Variants in PATJ observed in about 807,000 individuals in gnomAD.
PATJ encodes the protein PATJ crumbs cell polarity complex component, also known as inaD-like protein.
PATJ carries 190 observed loss-of-function variants against 224.9 expected under a neutral mutation model. The ratio of observed to expected loss-of-function variants is 0.84; its 90% CI spans 0.75 to 0.95. The LOEUF (loss-of-function observed/expected upper bound fraction) is 0.95. Ranked by LOEUF, PATJ falls within the 40% of genes least tolerant of loss-of-function variation. The pLI is 0.00. For synonymous variants in PATJ, 769 were observed against 820.3 expected (o/e 0.94, Z 1.07); for missense variants, 2,121 against 2,270.3 (o/e 0.93, Z 1.34).
chr1:61,749,890 G>C (rs985827326), intron 1 of PATJ, among the ~76,000 whole-genome samples: 2 of 152,106 alleles, frequency 1.3e-5, no homozygotes, highest in African/African-American at 4.8e-5. Flanking sequence ...ATGTTGCCCA[G>C]GCTGGTCTCA....
chr1:61,918,917 C>A (rs1673861972), intron 26 of PATJ, among the ~76,000 whole-genome samples: 1 of 151,778 alleles, frequency 6.6e-6, no homozygotes, highest in African/African-American at 2.4e-5. Context: ...ATGGTCACAC[C>A]ACTGCACTCC....
chr1:62,036,904 AGGG>A (rs1650523991), intron 29 of PATJ, among the ~76,000 whole-genome samples: 1 of 143,026 alleles, frequency 7.0e-6, no homozygotes, highest in Non-Finnish European at 1.5e-5. Flanking sequence ...GAAGGAAGGG[AGGG>A]AGGGAGGAAG....
chr1:61,791,287 G>C (rs1649803472), intron 8 of PATJ, 61 bp from the exon 9 acceptor site: 2 of 955,760 alleles, frequency 2.1e-6, no homozygotes, highest in South Asian at 2.8e-5. Flanking sequence ...TGCACAGATT[G>C]ACTATGTACA....
chr1:62,134,456 C>T (rs1392758258), intron 41 of PATJ, among the ~76,000 whole-genome samples: 2 of 151,568 alleles, frequency 1.3e-5, no homozygotes, highest in Admixed American at 6.6e-5. Flanking sequence ...AGCGATTCTC[C>T]TGCCTCAGCC....
rs1181720856 is a variant in PATJ, at chr1:61,967,008, G to A, written c.3671-23160G>A. Among the ~76,000 whole-genome samples the A allele has an allele frequency of 4.6e-5, 7 of 152,232 alleles. No homozygotes were observed. In the East Asian group the frequency reaches 1.2e-3, roughly 25 times the overall value. On this transcript the variant is annotated intron_variant, in intron 27 of 43. Transcript: ENST00000642238. ...AAGATCTTTATGACCTGTATCTTGT[G>A]CTGACCTGTCTCATCCTGTGACTTA...
chr1:61,988,929 A>T (rs1307055501), intron 27 of PATJ, among the ~76,000 whole-genome samples: 1 of 152,256 alleles, frequency 6.6e-6, no homozygotes, highest in Non-Finnish European at 1.5e-5. Flanking sequence ...ATGAGCATTT[A>T]GGGTTCCAAG....
intron 13 of PATJ, among the ~76,000 whole-genome samples, chr1:61,807,149 CAAAAA>C (rs1450116461): frequency 6.6e-6 from 1 of 151,998 alleles, no homozygotes; most frequent in Non-Finnish European, 1.5e-5. Context: ...GACTCCACCT[CAAAAA>C]CAAAACAAAA....
At chr1:61,999,114 G>A (rs944704) in intron 28 of PATJ, among the ~76,000 whole-genome samples, 46,251 of 151,902 alleles carry the variant, frequency 0.3, 7,626 homozygotes, top group East Asian at 0.47. Flanking sequence ...AATAGCGACA[G>A]GAATGTATGC....
intron 15 of PATJ, among the ~76,000 whole-genome samples, chr1:61,823,502 C>T (rs1483867761): frequency 6.6e-6 from 1 of 152,232 alleles, no homozygotes; most frequent in South Asian, 2.1e-4. Context: ...ATGGCAGCCT[C>T]TATTGGGCTT....
chr1:61,859,196 T>TAACAA (rs912171802), intron 18 of PATJ, among the ~76,000 whole-genome samples: 6 of 152,310 alleles, frequency 3.9e-5, no homozygotes, highest in Non-Finnish European at 8.8e-5. Context: ...TCGGGCCATT[T>TAACAA]AACAAAACAA....
chr1:61,853,797 T>C (rs761783452), intron 17 of PATJ, among the ~76,000 whole-genome samples: 2 of 152,218 alleles, frequency 1.3e-5, no homozygotes, highest in Non-Finnish European at 2.9e-5. Flanking sequence ...TTGAAAATAC[T>C]GGTGTAATTA....
At chr1:61,767,867 G>A (rs1192283348) in intron 4 of PATJ, among the ~76,000 whole-genome samples, 1 of 151,532 alleles carries the variant, frequency 6.6e-6, no homozygotes, top group Non-Finnish European at 1.5e-5. Flanking sequence ...AGTAGAGACA[G>A]GGTTTCACCA....
At chr1:61,790,169 A>C (rs1315342054) in intron 8 of PATJ, among the ~76,000 whole-genome samples, 1 of 145,042 alleles carries the variant, frequency 6.9e-6, no homozygotes, top group Non-Finnish European at 1.5e-5. Context: ...GCTCCATTGC[A>C]CTCCTACCTG....
Position 61,801,691 on chromosome 1 carries a change from G to C in PATJ, c.1471G>C (p.Val491Leu), listed in dbSNP as rs777885910. Reference protein sequence around the residue: ...LTGAVETETNVDGEDEEIKER... With the variant: ...LTGAVETETNLDGEDEEIKER... ...TGGAGCAGTGGAAACTGAAACTAAT[G>C]TGGATGGTGAAGATGAGGAAATTAA... The change falls in exon 12 of 44, where the codon GTG becomes CTG. Residue 491 changes from valine (V) to leucine (L), a missense_variant. Physicochemically the swap from Val to Leu is conservative, Grantham distance 32. Coordinates refer to ENST00000642238, the MANE Select transcript of PATJ (RefSeq NM_001350145.3). The C allele has an allele frequency of 6.2e-7, 1 of 1,601,454 alleles. No homozygotes were observed. The highest frequency in any genetic ancestry group is 1.1e-5 in the South Asian group (1 of 89,576).
chr1:61,957,611 A>G (rs1233259750), intron 27 of PATJ, among the ~76,000 whole-genome samples: 1 of 152,222 alleles, frequency 6.6e-6, no homozygotes, highest in African/African-American at 2.4e-5. Flanking sequence ...AGGAAAGAGT[A>G]GAAGTTTTCC....
chr1:61,850,036 C>G (rs1001053988), intron 17 of PATJ, among the ~76,000 whole-genome samples: 1 of 152,136 alleles, frequency 6.6e-6, no homozygotes, highest in Non-Finnish European at 1.5e-5. Context: ...CTTCTGTCTC[C>G]TCTTTATGTC....
chr1:61,864,945 A>T lies in PATJ; in HGVS notation c.2835+312A>T, dbSNP rs562104884. On this transcript the variant is annotated intron_variant, in intron 20 of 43. Transcript: ENST00000642238. ...AGAGTTCTTTTAACATTTGTGATTTAAAAAAAAAAATTCCCTGGGGAAACA... is the reference window on the plus strand; with the variant it reads ...AGAGTTCTTTTAACATTTGTGATTTTAAAAAAAAAATTCCCTGGGGAAACA... 2.7e-4 allele frequency among the ~76,000 whole-genome samples: 40 copies of T among 148,610 alleles called. No individual in the cohort carries two copies. In the South Asian group the frequency reaches 7.4e-3, roughly 28 times the overall value.
At chr1:61,813,736 T>C (rs2148666979) in intron 14 of PATJ, among the ~76,000 whole-genome samples, 1 of 152,192 alleles carries the variant, frequency 6.6e-6, no homozygotes, top group East Asian at 1.9e-4. Context: ...GGGGGTTTAT[T>C]TGCAAGTTTA....
Position 61,861,628 on chromosome 1 carries a change from T to C in PATJ, c.2400T>C (p.Ile800=). ...ACAAGACTGAATTTTCAGGAACAAT[T>C]CATGATATAAATTCATCTTTAATAC... The part of the protein sequence containing the change: ...NEDKTEFSGT[I]HDINSSLILE... The change falls in exon 19 of 44, where the codon ATT becomes ATC. Residue 800 remains isoleucine (I), a synonymous_variant. Transcript: ENST00000642238. 6.7e-7 allele frequency: 1 copy of C among 1,481,524 alleles called. No homozygotes were observed. Among genetic ancestry groups the C allele is most frequent in the African/African-American group, 1.5e-5 (1 of 68,756 alleles). 91.8% of individuals were successfully genotyped at this position (1,481,524 alleles called of 1,614,324 possible). A position where few individuals can be genotyped will look rare whatever the true frequency, so the allele number is the denominator to read the frequency against.
Sources: gnomAD v4.1 joint callset for allele counts (sites outside exome capture counted in the v4.1 genomes callset) on GRCh38, gnomAD v4.1.1 for gene constraint, MANE v1.5 for transcripts, NCBI Gene and HGNC (gene_info 2026-07-23, HGNC 2026-07-21) for gene names.